BRINP3: variants seen among roughly 807,000 people sequenced by gnomAD.
BRINP3 encodes the protein BMP/retinoic acid inducible neural specific 3.
BRINP3 carries 19 observed loss-of-function variants against 71.0 expected under a neutral mutation model. That is an observed-to-expected ratio of 0.27 (90% confidence interval 0.19 to 0.39). The LOEUF (loss-of-function observed/expected upper bound fraction) is 0.39, where lower values mean the gene tolerates loss of function less well. Among genes scored for constraint, BRINP3 ranks in the 10% least tolerant of loss-of-function variants. BRINP3 has a pLI of 1.00. For missense variants in BRINP3, 959 were observed against 940.8 expected, an observed-to-expected ratio of 1.02 and a Z score of -0.25; for synonymous variants, 380 against 337.7, an observed-to-expected ratio of 1.13 and a Z score of -1.37.
At chr1:190,139,919 G>A (rs1440834378) in intron 7 of BRINP3, among the ~76,000 whole-genome samples, 3 of 152,152 alleles carry the variant, frequency 2.0e-5, no homozygotes. Context: ...CTGAGGGCTT[G>A]CTTTCTATTG....
At chr1:190,429,945 T>C (rs1178905405) in intron 2 of BRINP3, among the ~76,000 whole-genome samples, 1 of 152,172 alleles carries the variant, frequency 6.6e-6, no homozygotes, top group African/African-American at 2.4e-5. Flanking sequence ...CTAGTATATA[T>C]TTTTACAGTC....
At chr1:190,152,041 T>C (rs1368835258) in intron 7 of BRINP3, among the ~76,000 whole-genome samples, 1 of 152,160 alleles carries the variant, frequency 6.6e-6, no homozygotes, top group Non-Finnish European at 1.5e-5. Context: ...GTATTTGGCA[T>C]GCATGTGTTG....
intron 2 of BRINP3, among the ~76,000 whole-genome samples, chr1:190,341,833 C>T (rs1384163274): frequency 2.6e-5 from 4 of 151,798 alleles, no homozygotes; most frequent in African/African-American, 9.7e-5. Flanking sequence ...CATGTTTCTG[C>T]AGTGTATTTG....
chr1:190,247,124 T>A (rs1425236204), intron 4 of BRINP3, among the ~76,000 whole-genome samples: 1 of 151,878 alleles, frequency 6.6e-6, no homozygotes, highest in Non-Finnish European at 1.5e-5. Context: ...CTAAATTTTC[T>A]AGCACAGAGC....
chr1:190,142,971 A>G (rs1655583607), intron 7 of BRINP3, among the ~76,000 whole-genome samples: 1 of 152,286 alleles, frequency 6.6e-6, no homozygotes, highest in Non-Finnish European at 1.5e-5. Flanking sequence ...AGATATTAGA[A>G]TTTTGGCTTG....
intron 4 of BRINP3, among the ~76,000 whole-genome samples, chr1:190,260,599 T>C (rs899196212): frequency 3.9e-5 from 6 of 152,050 alleles, no homozygotes; most frequent in Non-Finnish European, 7.4e-5. Context: ...TATTATCATT[T>C]TACTGATTTT....
At chr1:190,227,248 T>G (rs956371765) in intron 5 of BRINP3, among the ~76,000 whole-genome samples, 5 of 151,842 alleles carry the variant, frequency 3.3e-5, no homozygotes, top group African/African-American at 1.2e-4. Context: ...AAATCAATGT[T>G]GACCCTTGAC....
At chr1:190,208,164 G>A (rs1655680254) in intron 6 of BRINP3, among the ~76,000 whole-genome samples, 1 of 151,392 alleles carries the variant, frequency 6.6e-6, no homozygotes, top group South Asian at 2.1e-4. Flanking sequence ...GACTCACTAT[G>A]TTTCCCTGGT....
In BRINP3 at chr1:190,262,208, T is replaced by C. The variant is rs143612538; in HGVS notation, c.618+2657A>G. 5.1e-3 allele frequency among the ~76,000 whole-genome samples: 781 copies of C among 152,266 alleles called. 4 individuals carry two copies. Among genetic ancestry groups the C allele is most frequent in the African/African-American group, 0.018 (744 of 41,558 alleles). On this transcript the variant is annotated intron_variant, in intron 4 of 7. Transcript: ENST00000367462. ...GCTTGAACACAGCACACAAGCACAA[T>C]GCCCTTCCCTGGAACCTTCATAATA...
At chr1:190,381,114 A>C (rs1472225427) in intron 2 of BRINP3, among the ~76,000 whole-genome samples, 1 of 152,016 alleles carries the variant, frequency 6.6e-6, no homozygotes, top group African/African-American at 2.4e-5. Context: ...CTCTCCCTAT[A>C]CCCCATGATA....
chr1:190,464,992 A>G (rs973590029), intron 1 of BRINP3, among the ~76,000 whole-genome samples: 6 of 151,988 alleles, frequency 3.9e-5, no homozygotes, highest in African/African-American at 1.4e-4. Flanking sequence ...GTCTTGTCCT[A>G]CCAACAAAGA....
chr1:190,443,287 C>G (rs1316385622), intron 2 of BRINP3, among the ~76,000 whole-genome samples: 4 of 151,296 alleles, frequency 2.6e-5, no homozygotes, highest in African/African-American at 9.7e-5. Flanking sequence ...CGCCTGTAAT[C>G]CCAGTTACTC....
At chr1:190,446,740 G>A (rs1675245310) in intron 2 of BRINP3, among the ~76,000 whole-genome samples, 1 of 152,018 alleles carries the variant, frequency 6.6e-6, no homozygotes, top group Non-Finnish European at 1.5e-5. Context: ...GGAGACTGAG[G>A]TCTGAGAAAT....
intron 2 of BRINP3, among the ~76,000 whole-genome samples, chr1:190,379,223 AT>A (rs1670365505): frequency 6.6e-6 from 1 of 152,150 alleles, no homozygotes; most frequent in African/African-American, 2.4e-5. Flanking sequence ...AAAAAACTAC[AT>A]TTTTATTCAG....
At chr1:190,260,039 GAA>G (rs11336955) in intron 4 of BRINP3, among the ~76,000 whole-genome samples, 145 of 128,902 alleles carry the variant, frequency 1.1e-3, no homozygotes, top group Non-Finnish European at 1.7e-3. Flanking sequence ...AAAGAAATTG[GAA>G]AAAAAAAAAA....
Position 190,326,280 on chromosome 1 carries a change from G to T in BRINP3, c.237-44530C>A, listed in dbSNP as rs970093540. On this transcript the variant is annotated intron_variant, in intron 2 of 7. Coordinates refer to ENST00000367462, the MANE Select transcript of BRINP3 (RefSeq NM_199051.3). Reference sequence around the variant, plus strand: ...ATGAACAAAGTATTTGAGAAATATGGAGTTATGTAAAGTGACCAAAGCAAT... The same window carrying T: ...ATGAACAAAGTATTTGAGAAATATGTAGTTATGTAAAGTGACCAAAGCAAT... 1.4e-4 allele frequency among the ~76,000 whole-genome samples: 21 copies of T among 152,196 alleles called. No individual in the cohort carries two copies. The East Asian group carries it at 4.1e-3, about 29-fold the overall frequency.
intron 7 of BRINP3, among the ~76,000 whole-genome samples, chr1:190,103,510 A>G (rs1266330525): frequency 1.3e-5 from 2 of 152,090 alleles, no homozygotes; most frequent in Non-Finnish European, 2.9e-5. Context: ...TTCTAGGAGT[A>G]GGATTCAGGA....
Position 190,099,285 on chromosome 1 carries a change from T to C in BRINP3, c.1185-151A>G, listed in dbSNP as rs1303114186. On this transcript the variant is annotated intron_variant, in intron 7 of 7. Transcript: ENST00000367462. ...ATAAAAGATTCATAGAGCTCATAAT[T>C]AGACTATATAATACACACACACACA... 4.5e-6 allele frequency: 3 copies of C among 663,770 alleles called. No homozygotes were observed. The East Asian group carries it at 8.5e-5, about 19-fold the overall frequency. The allele number at this position is 663,770 out of a possible 1,614,324, so 41.1% of individuals were successfully genotyped here. A position where few individuals can be genotyped will look rare whatever the true frequency, so the allele number is the denominator to read the frequency against.
At chr1:190,438,309 A>C (rs1210970458) in intron 2 of BRINP3, among the ~76,000 whole-genome samples, 1 of 151,628 alleles carries the variant, frequency 6.6e-6, no homozygotes, top group East Asian at 1.9e-4. Flanking sequence ...ATACAAGATA[A>C]TCTCAAATAT....
Sources: gnomAD v4.1 joint callset for allele counts (sites outside exome capture counted in the v4.1 genomes callset) on GRCh38, gnomAD v4.1.1 for gene constraint, MANE v1.5 for transcripts, NCBI Gene and HGNC (gene_info 2026-07-23, HGNC 2026-07-21) for gene names.